The following ZMYM2 variants were observed in gnomAD, a reference collection of about 807,000 sequenced individuals.
ZMYM2 encodes zinc finger MYM-type protein 2.
A neutral mutation model predicts 162.8 loss-of-function variants in ZMYM2; 56 were observed. The ratio of observed to expected loss-of-function variants is 0.34; its 90% CI spans 0.28 to 0.43. The LOEUF is 0.43. ZMYM2 is among the 20% of genes least tolerant of loss of function. The pLI is 1.00. For missense variants in ZMYM2, 1,275 were observed against 1,621.8 expected, an observed-to-expected ratio of 0.79 and a Z score of 3.67; for synonymous variants, 510 against 541.6, an observed-to-expected ratio of 0.94 and a Z score of 0.81.
At position 19,990,515 on chromosome 13, in the gene ZMYM2, A is replaced by G. The variant is rs201944722; in HGVS notation, c.-10-2548A>G. Among the ~76,000 whole-genome samples, 25 of 152,296 alleles carry G rather than the reference A, an allele frequency of 1.6e-4. No homozygotes were observed. The East Asian group carries it at 4.8e-3, about 29-fold the overall frequency. ...GTGTAAATGTCACTTGCTTAAAGAG[A>G]TGTTCTCTGATCACCAAACTAGTTA... On this transcript the variant is annotated intron_variant, in intron 2 of 24. Coordinates refer to ENST00000610343, the MANE Select transcript of ZMYM2 (RefSeq NM_197968.4).
intron 2 of ZMYM2, among the ~76,000 whole-genome samples, chr13:19,960,887 G>A (rs560305801): frequency 3.8e-4 from 57 of 151,480 alleles, no homozygotes; most frequent in South Asian, 2.9e-3. Flanking sequence ...AGTCAGAGAT[G>A]AGTTATTTAC....
intron 6 of ZMYM2, among the ~76,000 whole-genome samples, chr13:20,009,730 G>A (rs893907787): frequency 6.6e-6 from 1 of 152,154 alleles, no homozygotes; most frequent in Non-Finnish European, 1.5e-5. Flanking sequence ...CCATAGTATA[G>A]CCACGATCAG....
chr13:19,966,569 G>A (rs942901563), intron 2 of ZMYM2, among the ~76,000 whole-genome samples: 1 of 151,338 alleles, frequency 6.6e-6, no homozygotes, highest in African/African-American at 2.4e-5. Context: ...TTTCTCCTGC[G>A]TAGCTGGGAT....
upstream of ZMYM2, among the ~76,000 whole-genome samples, chr13:19,957,880 G>T (rs1365885903): frequency 1.3e-5 from 2 of 152,206 alleles, no homozygotes; most frequent in Non-Finnish European, 1.5e-5. Context: ...CTCCACCGTC[G>T]TGCCCGTCCC....
At chr13:19,930,731 G>A in the ZMYM2 span, among the ~76,000 whole-genome samples, 14 of 151,342 alleles carry the variant, frequency 9.3e-5, no homozygotes, top group Non-Finnish European at 1.8e-4. Context: ...GTAGAGATGG[G>A]GTTTTCCATA....
the ZMYM2 span, among the ~76,000 whole-genome samples, chr13:19,876,464 A>C: frequency 2.0e-5 from 3 of 152,038 alleles, no homozygotes; most frequent in Non-Finnish European, 2.9e-5. Flanking sequence ...CTGCGACTAC[A>C]GGCACGTGCC....
chr13:20,075,670 C>CTTTTTTTTTTTTTTTTTTTTTTTTT (rs56664916), intron 21 of ZMYM2, among the ~76,000 whole-genome samples: 11 of 75,718 alleles, frequency 1.5e-4, no homozygotes, highest in Non-Finnish European at 1.7e-4. Flanking sequence ...CTATAGACAC[C>CTTTTTTTTTTTTTTTTTTTTTTTTT]TTTTTTTTTT....
chr13:20,007,109 T>G (rs1950802525), intron 6 of ZMYM2, among the ~76,000 whole-genome samples: 1 of 152,152 alleles, frequency 6.6e-6, no homozygotes, highest in African/African-American at 2.4e-5. Flanking sequence ...GTCGTATTGT[T>G]TATATTTAAA....
chr13:20,021,367 CTTTT>C (rs77767226), intron 7 of ZMYM2, among the ~76,000 whole-genome samples: 6 of 108,874 alleles, frequency 5.5e-5, no homozygotes, highest in Admixed American at 9.4e-5. Flanking sequence ...TGTTTTCCTG[CTTTT>C]TTTTTTTTTT....
At chr13:19,864,460 T>A in the ZMYM2 span, 1 of 154,872 alleles carries the variant, frequency 6.5e-6, no homozygotes, top group East Asian at 1.9e-4. Context: ...GGCGTCTGCG[T>A]CCGCGGGGCA....
chr13:19,994,588 C>A (rs1424304301), intron 3 of ZMYM2, among the ~76,000 whole-genome samples: 1 of 151,960 alleles, frequency 6.6e-6, no homozygotes, highest in Non-Finnish European at 1.5e-5. Context: ...CTCCTGTGTT[C>A]AAGCGATTCT....
the ZMYM2 span, among the ~76,000 whole-genome samples, chr13:19,872,956 C>T: frequency 1.3e-5 from 2 of 151,608 alleles, no homozygotes; most frequent in East Asian, 1.9e-4. Context: ...GCCAAGATCA[C>T]GCCACTGCAC....
the ZMYM2 span, among the ~76,000 whole-genome samples, chr13:19,874,696 A>G: frequency 1.3e-5 from 2 of 151,506 alleles, no homozygotes; most frequent in Non-Finnish European, 1.5e-5. Flanking sequence ...CATATTTGCC[A>G]ATGTTTGCCA....
chr13:19,871,243 T>G, the ZMYM2 span, among the ~76,000 whole-genome samples: 1 of 151,748 alleles, frequency 6.6e-6, no homozygotes, highest in South Asian at 2.1e-4. Flanking sequence ...ACACAGAAAG[T>G]AAAGAGATAA....
intron 12 of ZMYM2, among the ~76,000 whole-genome samples, chr13:20,037,392 T>G (rs1953818998): frequency 6.6e-6 from 1 of 151,866 alleles, no homozygotes; most frequent in Admixed American, 6.6e-5. Flanking sequence ...ATTTTTATTC[T>G]TTTAGTAGAG....
At chr13:19,971,266 T>TATA (rs1956313297) in intron 2 of ZMYM2, among the ~76,000 whole-genome samples, 1 of 67,248 alleles carries the variant, frequency 1.5e-5, no homozygotes, top group African/African-American at 4.7e-5. Flanking sequence ...ATATATATTT[T>TATA]TTTTTTTTTT....
chr13:19,973,332 A>AT (rs1956490913), intron 2 of ZMYM2, among the ~76,000 whole-genome samples: 1 of 152,162 alleles, frequency 6.6e-6, no homozygotes, highest in South Asian at 2.1e-4. Flanking sequence ...AGGAATAACT[A>AT]TAACAGGAAG....
chr13:19,991,185 C>T (rs1442046174), intron 2 of ZMYM2, among the ~76,000 whole-genome samples: 3 of 151,906 alleles, frequency 2.0e-5, no homozygotes, highest in Non-Finnish European at 2.9e-5. Flanking sequence ...ACAATCGTAG[C>T]TCACTGCAAC....
At chr13:20,029,941 C>T (rs551386249) in intron 9 of ZMYM2, among the ~76,000 whole-genome samples, 3 of 150,288 alleles carry the variant, frequency 2.0e-5, no homozygotes, top group South Asian at 2.1e-4. Flanking sequence ...ATTACAGGCA[C>T]CTGCCACCAT....
Sources: gnomAD v4.1 joint callset for allele counts (sites outside exome capture counted in the v4.1 genomes callset) on GRCh38, gnomAD v4.1.1 for gene constraint, MANE v1.5 for transcripts, NCBI Gene and HGNC (gene_info 2026-07-23, HGNC 2026-07-21) for gene names.